SNTG1: variants seen among roughly 807,000 people sequenced by gnomAD.
The protein encoded by SNTG1 is gamma-1-syntrophin.
Under a neutral mutation model 74.7 loss-of-function variants are expected in SNTG1, and 39 were observed. That is an observed-to-expected ratio of 0.52 (90% CI 0.40 to 0.68). SNTG1 has a LOEUF of 0.68. Among genes scored for constraint, SNTG1 ranks in the 30% least tolerant of loss-of-function variants. SNTG1 has a pLI of 0.00. For synonymous variants in SNTG1, 254 were observed against 217.1 expected (o/e 1.17, Z -1.49); for missense variants, 685 against 609.5 (o/e 1.12, Z -1.30).
chr8:50,223,961 A>G (rs960292846), intron 2 of SNTG1, among the ~76,000 whole-genome samples: 1 of 152,140 alleles, frequency 6.6e-6, no homozygotes, highest in Admixed American at 6.5e-5. Context: ...GAAGAATCCC[A>G]AACTGATAGA....
intron 12 of SNTG1, among the ~76,000 whole-genome samples, chr8:50,581,815 G>A (rs2094611714): frequency 6.6e-6 from 1 of 152,258 alleles, no homozygotes; most frequent in South Asian, 2.1e-4. Context: ...TCCTTACTCG[G>A]CAAGTGTTCT....
rs755161186 is a variant in SNTG1 at position 50,536,654 on chromosome 8, G to C, written c.550-24G>C. 4 of 1,607,884 alleles carry C rather than the reference G, an allele frequency of 2.5e-6. No homozygotes were observed. In the Admixed American group the frequency reaches 6.8e-5, roughly 27 times the overall value. On this transcript the variant is annotated intron_variant, in intron 10 of 18. Transcript: ENST00000642720. ...TCAAAGCACAGAAGAAAAAAATTAC[G>C]TTGAATATTTATCTTCCTTTCAGGA... is the stretch of plus-strand genomic sequence containing the variant.
rs1203860075 is a variant in SNTG1 at position 50,502,770 on chromosome 8, T to C, written c.364-8T>C. 2 of 1,606,844 alleles carry C rather than the reference T, an allele frequency of 1.2e-6. No individual in the cohort carries two copies. Among genetic ancestry groups the C allele is most frequent in the Non-Finnish European group, 1.7e-6 (2 of 1,174,762 alleles). On this transcript the variant is annotated splice_polypyrimidine_tract_variant and splice_region_variant and intron_variant, in intron 8 of 18. Transcript: ENST00000642720. ...TGATGATTGTATTCTTTTTATTCTT[T>C]TTTTCAGGTTCAGGTTCTTCGGAAT... is the stretch of plus-strand genomic sequence containing the variant.
chr8:50,557,828 C>G (rs373501252), intron 12 of SNTG1, among the ~76,000 whole-genome samples: 1 of 152,196 alleles, frequency 6.6e-6, no homozygotes, highest in Non-Finnish European at 1.5e-5. Context: ...TTAGACAGTT[C>G]TGTCTGATTT....
At chr8:50,542,239 C>T (rs1222406513) in intron 11 of SNTG1, among the ~76,000 whole-genome samples, 1 of 150,764 alleles carries the variant, frequency 6.6e-6, no homozygotes, top group African/African-American at 2.4e-5. Flanking sequence ...TCACTGCAAC[C>T]TCCACCCCCG....
intron 8 of SNTG1, among the ~76,000 whole-genome samples, chr8:50,457,751 G>A (rs970837374): frequency 1.1e-4 from 17 of 152,120 alleles, no homozygotes; most frequent in Admixed American, 5.9e-4. Flanking sequence ...CAGCAATCGC[G>A]AATGGGAGTG....
rs550853078 is a variant in SNTG1 at position 50,555,780 on chromosome 8, AAGTTTGAC to A, written c.810+2607_810+2614del. Among the ~76,000 whole-genome samples the A allele has an allele frequency of 1.1e-4, 17 of 152,254 alleles. No homozygotes were observed. The East Asian group carries it at 3.3e-3, about 29-fold the overall frequency. On this transcript the variant is annotated intron_variant, in intron 12 of 18. Coordinates refer to ENST00000642720, the MANE Select transcript of SNTG1 (RefSeq NM_018967.5). The stretch of plus-strand genomic sequence containing the variant: ...AGGATTAAAATGCATATAAAATAAT[AAGTTTGAC>A]AGTTTAAAAATTATGCTATTGAAAT...
chr8:50,571,949 G>T (rs1302428834), intron 12 of SNTG1, among the ~76,000 whole-genome samples: 1 of 152,076 alleles, frequency 6.6e-6, no homozygotes, highest in African/African-American at 2.4e-5. Context: ...AGGGAGCAGA[G>T]GTGGTCACAC....
rs577092500 is a variant in SNTG1 at position 50,110,767 on chromosome 8, A to G, written c.-102-61794A>G. On this transcript the variant is annotated intron_variant, in intron 1 of 18. Coordinates refer to ENST00000642720, the MANE Select transcript of SNTG1 (RefSeq NM_018967.5). ...ATACTACTGTAGTGCAAAAACAGCC[A>G]TAGACAATACAAAAGTGAATGAATG... Among the ~76,000 whole-genome samples the G allele has an allele frequency of 2.6e-5, 4 of 152,062 alleles. No individual in the cohort carries two copies. In the South Asian group the frequency reaches 6.2e-4, roughly 24 times the overall value.
At chr8:50,141,876 A>C (rs1232536239) in intron 1 of SNTG1, among the ~76,000 whole-genome samples, 1 of 152,072 alleles carries the variant, frequency 6.6e-6, no homozygotes, top group Non-Finnish European at 1.5e-5. Flanking sequence ...TAATATTGAA[A>C]ATAAAAGAAA....
chr8:50,411,676 C>T (rs528055599), intron 4 of SNTG1, among the ~76,000 whole-genome samples: 1 of 152,134 alleles, frequency 6.6e-6, no homozygotes, highest in Middle Eastern at 3.4e-3. Context: ...GTGCTGGAAA[C>T]CCCTTCTCTC....
chr8:50,749,735 A>G (rs2095562973), intron 17 of SNTG1, among the ~76,000 whole-genome samples: 3 of 152,050 alleles, frequency 2.0e-5, no homozygotes, highest in Admixed American at 2.0e-4. Context: ...ACATCTGTTT[A>G]CAGCATGGTT....
Position 50,677,093 on chromosome 8 carries a change from A to G in SNTG1, c.1038+18430A>G, listed in dbSNP as rs545823878. On this transcript the variant is annotated intron_variant, in intron 15 of 18. Coordinates refer to ENST00000642720, the MANE Select transcript of SNTG1 (RefSeq NM_018967.5). ...ATTAAAGTGAGTCTAAAAGCAATAT[A>G]TTTATGAATGATTATGGATTTCCAT... is the stretch of plus-strand genomic sequence containing the variant. Among the ~76,000 whole-genome samples the G allele has an allele frequency of 2.0e-5, 3 of 152,098 alleles. No homozygotes were observed. In the South Asian group the frequency reaches 6.2e-4, roughly 32 times the overall value.
At chr8:50,446,767 C>A (rs1439343655) in intron 5 of SNTG1, among the ~76,000 whole-genome samples, 2 of 152,048 alleles carry the variant, frequency 1.3e-5, no homozygotes, top group Non-Finnish European at 2.9e-5. Context: ...AAGAGAAAAA[C>A]TGTGGTAAAA....
intron 2 of SNTG1, among the ~76,000 whole-genome samples, chr8:50,287,173 G>A (rs754337030): frequency 1.1e-4 from 16 of 151,774 alleles, no homozygotes; most frequent in South Asian, 2.1e-4. Context: ...GAGCTATTAC[G>A]TCCATCTGTA....
chr8:49,989,630 A>C (rs1383961700), intron 1 of SNTG1, among the ~76,000 whole-genome samples: 1 of 151,898 alleles, frequency 6.6e-6, no homozygotes, highest in Non-Finnish European at 1.5e-5. Context: ...AATGCCAAAA[A>C]CCAGGCAAAA....
At chr8:50,109,253 C>T (rs2080492102) in intron 1 of SNTG1, among the ~76,000 whole-genome samples, 1 of 152,158 alleles carries the variant, frequency 6.6e-6, no homozygotes, top group African/African-American at 2.4e-5. Flanking sequence ...CTCTCTTGTC[C>T]ACTGACATAA....
chr8:50,281,199 A>T (rs2088431002), intron 2 of SNTG1, among the ~76,000 whole-genome samples: 1 of 152,072 alleles, frequency 6.6e-6, no homozygotes, highest in African/African-American at 2.4e-5. Flanking sequence ...ATCCTACTGC[A>T]ACAAAGAGTC....
intron 18 of SNTG1, among the ~76,000 whole-genome samples, chr8:50,791,163 G>A (rs1021408625): frequency 6.6e-6 from 1 of 151,854 alleles, no homozygotes. Flanking sequence ...CAAGCATTAT[G>A]GGGTGAATGG....
Sources: allele counts gnomAD v4.1 joint callset (sites outside exome capture counted in the v4.1 genomes callset), GRCh38; gene constraint gnomAD v4.1.1; transcripts MANE v1.5; gene names NCBI Gene and HGNC (gene_info 2026-07-23, HGNC 2026-07-21).